KCNJ6: variants seen among roughly 807,000 people sequenced by gnomAD.
The protein encoded by KCNJ6 is G protein-activated inward rectifier potassium channel 2.
Under a neutral mutation model 34.2 loss-of-function variants are expected in KCNJ6, and 9 were observed. The observed-to-expected ratio is 0.26, with a 90% CI of 0.16 to 0.46. The LOEUF is 0.46. Ranked by LOEUF, KCNJ6 falls within the 20% of genes least tolerant of loss-of-function variation. The probability of loss-of-function intolerance (pLI) is 1.00; values close to 1 mark genes in which losing one functional copy is unlikely to be tolerated. For missense variants in KCNJ6, 236 were observed against 531.3 expected, an observed-to-expected ratio of 0.44 and a Z score of 5.46; for synonymous variants, 196 against 207.1, an observed-to-expected ratio of 0.95 and a Z score of 0.46.
intron 2 of KCNJ6, among the ~76,000 whole-genome samples, chr21:37,796,420 G>A (rs2055242358): frequency 6.6e-6 from 1 of 152,222 alleles, no homozygotes; most frequent in African/African-American, 2.4e-5. Flanking sequence ...AGAAGCCTAA[G>A]GTGGCAGGTT....
chr21:37,784,211 G>A (rs1399094151), intron 2 of KCNJ6, among the ~76,000 whole-genome samples: 1 of 152,084 alleles, frequency 6.6e-6, no homozygotes, highest in Non-Finnish European at 1.5e-5. Context: ...ACTCAATAGG[G>A]CACCGATTTT....
intron 2 of KCNJ6, among the ~76,000 whole-genome samples, chr21:37,837,445 G>A (rs1042597466): frequency 2.0e-5 from 3 of 152,132 alleles, no homozygotes; most frequent in South Asian, 2.1e-4. Flanking sequence ...TGAATGGCAC[G>A]TAGCGGAAAG....
intron 1 of KCNJ6, among the ~76,000 whole-genome samples, chr21:37,856,780 G>T (rs1479152338): frequency 2.6e-5 from 4 of 152,172 alleles, no homozygotes; most frequent in Non-Finnish European, 2.9e-5. Context: ...TCAGTATGGT[G>T]AGTGTAAACT....
At chr21:37,791,695 C>G (rs959509596) in intron 2 of KCNJ6, among the ~76,000 whole-genome samples, 1 of 152,176 alleles carries the variant, frequency 6.6e-6, no homozygotes, top group Non-Finnish European at 1.5e-5. Flanking sequence ...TAATAGTTCT[C>G]TAAGGTGGCA....
At chr21:37,757,536 A>G (rs865886457) in intron 2 of KCNJ6, among the ~76,000 whole-genome samples, 1 of 151,982 alleles carries the variant, frequency 6.6e-6, no homozygotes, top group Middle Eastern at 3.4e-3. Flanking sequence ...TCCAGCCTGG[A>G]GTGAGCACTC....
At chr21:37,635,405 A>T (rs1437333711) in intron 3 of KCNJ6, among the ~76,000 whole-genome samples, 1 of 151,670 alleles carries the variant, frequency 6.6e-6, no homozygotes, top group Non-Finnish European at 1.5e-5. Context: ...TTTAGTAGAG[A>T]TGGGGTTTTG....
intron 2 of KCNJ6, among the ~76,000 whole-genome samples, chr21:37,833,964 G>A (rs370686085): frequency 1.5e-3 from 230 of 152,182 alleles, no homozygotes; most frequent in African/African-American, 5.1e-3. Context: ...CGAAAGCTTC[G>A]CCAAGCCTCT....
At chr21:37,875,090 A>G (rs146819456) in intron 1 of KCNJ6, among the ~76,000 whole-genome samples, 91 of 152,248 alleles carry the variant, frequency 6.0e-4, no homozygotes, top group African/African-American at 2.1e-3. Context: ...GGGCTGTCTC[A>G]TGGGGACACA....
Position 37,619,957 on chromosome 21 carries a change from G to A in KCNJ6, c.*5202C>T, listed in dbSNP as rs2054285150. The A allele has an allele frequency of 6.6e-6, 1 of 152,164 alleles. No homozygotes were observed. The highest frequency in any genetic ancestry group is 2.4e-5 in the African/African-American group (1 of 41,446). The allele number at this position is 152,164 out of a possible 1,614,324, so 9.4% of individuals were successfully genotyped here. A position where few individuals can be genotyped will look rare whatever the true frequency, so the allele number is the denominator to read the frequency against. The stretch of plus-strand genomic sequence containing the variant: ...TCTGGAGGAATGGCATGAAAAGGAA[G>A]GATTCTTCCTTTGAGACCCTAACTG... On this transcript the variant is annotated 3_prime_UTR_variant, in exon 4 of 4. Transcript: ENST00000609713.
At chr21:37,894,922 T>A (rs1362184772) in intron 1 of KCNJ6, among the ~76,000 whole-genome samples, 2 of 152,304 alleles carry the variant, frequency 1.3e-5, no homozygotes, top group South Asian at 4.1e-4. Flanking sequence ...AAAATTATGT[T>A]CACAGTGTCA....
intron 1 of KCNJ6, among the ~76,000 whole-genome samples, chr21:37,896,846 C>T (rs1342782253): frequency 6.6e-6 from 1 of 152,226 alleles, no homozygotes; most frequent in Non-Finnish European, 1.5e-5. Context: ...CCACCAAAAA[C>T]AGAGGCAAGC....
intron 2 of KCNJ6, among the ~76,000 whole-genome samples, chr21:37,821,370 T>A (rs1160168693): frequency 1.3e-5 from 2 of 152,154 alleles, no homozygotes; most frequent in African/African-American, 4.8e-5. Context: ...CAGAAGGCAA[T>A]TTTTTTATTT....
chr21:37,870,670 C>T (rs1174927541), intron 1 of KCNJ6, among the ~76,000 whole-genome samples: 2 of 150,904 alleles, frequency 1.3e-5, no homozygotes, highest in African/African-American at 4.9e-5. Flanking sequence ...TAAATTTGTA[C>T]ACAGTACAAT....
At chr21:37,802,344 G>A (rs2055273359) in intron 2 of KCNJ6, among the ~76,000 whole-genome samples, 1 of 152,164 alleles carries the variant, frequency 6.6e-6, no homozygotes, top group Non-Finnish European at 1.5e-5. Context: ...TTCCTTACAT[G>A]GTGAAAAGGT....
chr21:37,880,936 A>G (rs8132816), intron 1 of KCNJ6, among the ~76,000 whole-genome samples: 2 of 152,058 alleles, frequency 1.3e-5, no homozygotes, highest in East Asian at 1.9e-4. Flanking sequence ...ATGGATAGAG[A>G]TGGCTCAGGA....
intron 1 of KCNJ6, among the ~76,000 whole-genome samples, chr21:37,853,846 G>GTGTGTATATA (rs71198897): frequency 8.6e-6 from 1 of 115,992 alleles, no homozygotes; most frequent in Non-Finnish European, 1.7e-5. Context: ...ATATATATAT[G>GTGTGTATATA]TATATATATA....
chr21:37,836,195 A>G (rs965623153), intron 2 of KCNJ6, among the ~76,000 whole-genome samples: 2 of 152,210 alleles, frequency 1.3e-5, no homozygotes, highest in Non-Finnish European at 2.9e-5. Flanking sequence ...ATGAGATACC[A>G]TCTCAAGCCA....
rs1449480667 is a variant in KCNJ6, at chr21:37,613,634, T to C, written c.*11525A>G. On this transcript the variant is annotated 3_prime_UTR_variant, in exon 4 of 4. Transcript: ENST00000609713. The stretch of plus-strand genomic sequence containing the variant: ...TAAAAAGATATGAGGGAAACTTAAA[T>C]GCATGTTACTAAGTGAAATAAGCCA... 1 of 152,214 alleles carries C rather than the reference T, an allele frequency of 6.6e-6. No homozygotes were observed. Among genetic ancestry groups the C allele is most frequent in the Non-Finnish European group, 1.5e-5 (1 of 68,038 alleles). The allele number at this position is 152,214 out of a possible 1,614,324, so 9.4% of individuals were successfully genotyped here.
chr21:37,648,857 C>T (rs953728376), intron 3 of KCNJ6, among the ~76,000 whole-genome samples: 4 of 152,050 alleles, frequency 2.6e-5, no homozygotes, highest in Non-Finnish European at 4.4e-5. Flanking sequence ...TTAGGCCAGG[C>T]GCGGTGGCTC....
Sources: gnomAD v4.1 joint callset for allele counts (sites outside exome capture counted in the v4.1 genomes callset) on GRCh38, gnomAD v4.1.1 for gene constraint, MANE v1.5 for transcripts, NCBI Gene and HGNC (gene_info 2026-07-23, HGNC 2026-07-21) for gene names.